The following PANK1 variants were observed in gnomAD, a reference collection of about 807,000 sequenced individuals.
The protein encoded by PANK1 is pantothenate kinase 1.
In PANK1, 18 loss-of-function variants were observed where a neutral mutation model predicts 40.1. That is an observed-to-expected ratio of 0.45 (90% CI 0.31 to 0.67). The LOEUF (loss-of-function observed/expected upper bound fraction) is 0.67, where lower values mean the gene tolerates loss of function less well. Ranked by LOEUF, PANK1 falls within the 30% of genes least tolerant of loss-of-function variation. The pLI, the probability that PANK1 is intolerant of heterozygous loss-of-function variation, is 0.06. For synonymous variants in PANK1, 242 were observed against 237.7 expected (o/e 1.02, Z -0.17); for missense variants, 457 against 599.6 (o/e 0.76, Z 2.48).
chr10:89,603,443 G>C (rs1844846225), intron 2 of PANK1, among the ~76,000 whole-genome samples: 2 of 152,084 alleles, frequency 1.3e-5, no homozygotes, highest in African/African-American at 2.4e-5. Context: ...CTTGTCCTAA[G>C]ACTCAAACTC....
At chr10:89,579,536 TA>T, downstream of PANK1, 1 of 152,298 alleles carries the variant, frequency 6.6e-6, no homozygotes, top group South Asian at 2.1e-4. Flanking sequence ...ACATATTATC[TA>T]AATCAAATAT....
At chr10:89,633,532 AT>A (rs5786877) in intron 1 of PANK1, among the ~76,000 whole-genome samples, 27,290 of 150,388 alleles carry the variant, frequency 0.18, 2,867 homozygotes, top group East Asian at 0.35. Flanking sequence ...CAGCCCTTTA[AT>A]TTTTTTTTTT....
At chr10:89,631,956 T>TTGTG (rs71471132) in intron 1 of PANK1, among the ~76,000 whole-genome samples, 163 of 135,488 alleles carry the variant, frequency 1.2e-3, no homozygotes, top group African/African-American at 4.0e-3. Context: ...AAATAACAGA[T>TTGTG]TGTGTGTGTG....
chr10:89,641,650 T>A (rs7091847), intron 1 of PANK1, among the ~76,000 whole-genome samples: 2 of 151,792 alleles, frequency 1.3e-5, no homozygotes, highest in African/African-American at 4.8e-5. Context: ...GAGAATGGCG[T>A]GAAGCCAGGA....
At chr10:89,626,935 G>A (rs1845677361) in intron 1 of PANK1, among the ~76,000 whole-genome samples, 1 of 152,184 alleles carries the variant, frequency 6.6e-6, no homozygotes, top group South Asian at 2.1e-4. Context: ...TAATACCAGA[G>A]CATGGTTAAT....
In PANK1 at chr10:89,585,954, T is replaced by C. The variant is rs189240834; in HGVS notation, c.1327-1489A>G. Among the ~76,000 whole-genome samples, 4 of 152,306 alleles carry C rather than the reference T, an allele frequency of 2.6e-5. No homozygotes were observed. The East Asian group carries it at 5.8e-4, about 22-fold the overall frequency. ...AAGAATACTCCATTTTCACTGGCCA[T>C]AGAGACTGAGTTATGATATAGGGTA... On this transcript the variant is annotated intron_variant, in intron 6 of 6. Transcript: ENST00000307534.
intron 1 of PANK1, among the ~76,000 whole-genome samples, chr10:89,615,134 T>A (rs1845278353): frequency 6.6e-6 from 1 of 152,110 alleles, no homozygotes; most frequent in Admixed American, 6.5e-5. Context: ...CACTTAGAGC[T>A]TTCAGTAAAA....
chr10:89,601,032 C>A (rs916082284), intron 2 of PANK1, among the ~76,000 whole-genome samples: 3 of 152,102 alleles, frequency 2.0e-5, no homozygotes, highest in African/African-American at 7.2e-5. Context: ...CTAAGTGACA[C>A]AACTAGCAAA....
At chr10:89,643,797 C>T in intron 1 of PANK1, 1 of 1,608,924 alleles carries the variant, frequency 6.2e-7, no homozygotes, top group South Asian at 1.1e-5. Context: ...ACTCGACCTA[C>T]AAATTTACAT....
At chr10:89,644,561 T>C in intron 1 of PANK1, 39 bp downstream of exon 1, 2 of 1,552,374 alleles carry the variant, frequency 1.3e-6, no homozygotes, top group South Asian at 1.2e-5. Context: ...GCACGCTGCG[T>C]CTGCCTTGCG....
intron 1 of PANK1, among the ~76,000 whole-genome samples, chr10:89,644,206 A>C (rs1842044705): frequency 6.6e-6 from 1 of 152,162 alleles, no homozygotes; most frequent in Non-Finnish European, 1.5e-5. Flanking sequence ...AGGGGTGAGA[A>C]AGGAGAGAGC....
intron 2 of PANK1, among the ~76,000 whole-genome samples, chr10:89,608,204 T>C (rs1845034904): frequency 6.6e-6 from 1 of 152,106 alleles, no homozygotes; most frequent in South Asian, 2.1e-4. Flanking sequence ...GCTGATTTTT[T>C]GTATTTTTAG....
At position 89,593,445 on chromosome 10, in the gene PANK1, AT is replaced by A. The variant is rs998444617; in HGVS notation, c.1077-126del. ...ACTCAAGTGATCCAATTTTGCTACT[AT>A]GGTTTATAAGCAGACAGAATTATAG... On this transcript the variant is annotated intron_variant, in intron 4 of 6. Coordinates refer to ENST00000307534, the MANE Select transcript of PANK1 (RefSeq NM_148977.3). The A allele has an allele frequency of 3.4e-5, 37 of 1,081,926 alleles. 1 individual carries two copies. The highest frequency in any genetic ancestry group is 3.0e-4 in the Middle Eastern group (1 of 3,280). 67.0% of individuals were successfully genotyped at this position (1,081,926 alleles called of 1,614,324 possible).
chr10:89,591,311 G>C (rs1337521494), intron 5 of PANK1, among the ~76,000 whole-genome samples: 4 of 152,064 alleles, frequency 2.6e-5, no homozygotes, highest in African/African-American at 9.7e-5. Flanking sequence ...AAGTGGAAAT[G>C]GTGACTCACT....
At position 89,645,192 on chromosome 10, in the gene PANK1, C is replaced by G; in HGVS notation, c.-301G>C. 2 of 1,588,856 alleles carry G rather than the reference C, an allele frequency of 1.3e-6. No homozygotes were observed. Among genetic ancestry groups the G allele is most frequent in the Non-Finnish European group, 1.7e-6 (2 of 1,169,438 alleles). Reference sequence around the variant, plus strand: ...CGGGGCTCCCGCCGCCCGCCTTCCCCTGATCCCCAGGCCGCGCGACTTCAA... The same window carrying G: ...CGGGGCTCCCGCCGCCCGCCTTCCCGTGATCCCCAGGCCGCGCGACTTCAA... On this transcript the variant is annotated 5_prime_UTR_variant, in exon 1 of 7. Coordinates refer to ENST00000307534, the MANE Select transcript of PANK1 (RefSeq NM_148977.3).
intron 1 of PANK1, among the ~76,000 whole-genome samples, chr10:89,629,864 T>C (rs770171099): frequency 2.0e-5 from 3 of 152,224 alleles, no homozygotes; most frequent in South Asian, 2.1e-4. Context: ...ACTGATTCAG[T>C]AGTTTGAAAA....
chr10:89,595,395 G>A (rs1433740488), intron 3 of PANK1, among the ~76,000 whole-genome samples: 2 of 152,164 alleles, frequency 1.3e-5, no homozygotes, highest in Non-Finnish European at 1.5e-5. Context: ...AGGTTGCAGT[G>A]AGCCGGGATT....
chr10:89,600,917 T>C (rs1199043615), intron 2 of PANK1, among the ~76,000 whole-genome samples: 2 of 152,224 alleles, frequency 1.3e-5, no homozygotes, highest in African/African-American at 4.8e-5. Context: ...GTTTACTACA[T>C]GCTAAACCCT....
intron 1 of PANK1, among the ~76,000 whole-genome samples, chr10:89,634,769 A>G (rs1302910315): frequency 6.6e-6 from 1 of 152,214 alleles, no homozygotes; most frequent in African/African-American, 2.4e-5. Flanking sequence ...CCATGTCCTG[A>G]CACAAGATTA....
Sources: gnomAD v4.1 joint callset for allele counts (sites outside exome capture counted in the v4.1 genomes callset) on GRCh38, gnomAD v4.1.1 for gene constraint, MANE v1.5 for transcripts, NCBI Gene and HGNC (gene_info 2026-07-23, HGNC 2026-07-21) for gene names.